CDC42EP2: variants seen among roughly 807,000 people sequenced by gnomAD.
CDC42EP2 encodes the protein CDC42 effector protein 2.
In CDC42EP2, 5 loss-of-function variants were observed where a neutral mutation model predicts 7.3. The ratio of observed to expected loss-of-function variants is 0.68; its 90% CI spans 0.36 to 1.44. The LOEUF is 1.44. Ranked by LOEUF, CDC42EP2 falls within the 40% of genes most tolerant of loss-of-function variation. CDC42EP2 has a pLI of 0.04. For missense variants in CDC42EP2, 251 were observed against 282.6 expected (o/e 0.89, Z 0.80); for synonymous variants, 113 against 123.6 (o/e 0.91, Z 0.57).
rs1487228547 is a variant in CDC42EP2, at chr11:65,315,469, G to T, written c.-356+515G>T. Among the ~76,000 whole-genome samples, 1 of 152,232 alleles carries T rather than the reference G, an allele frequency of 6.6e-6. No homozygotes were observed. Among genetic ancestry groups the T allele is most frequent in the Non-Finnish European group, 1.5e-5 (1 of 68,034 alleles). On this transcript the variant is annotated intron_variant, in intron 1 of 1. Transcript: ENST00000279249. This position sits in a 1 kb window ranked among gnomAD's most constrained non-coding sequence, Gnocchi z 4.1. ...CACGCCCGAGCTCTGGCCCTGTGCCGAGCGGACACTAGGACATCGCCCAGG... is the reference window on the plus strand; with the variant it reads ...CACGCCCGAGCTCTGGCCCTGTGCCTAGCGGACACTAGGACATCGCCCAGG...
rs1008487144 is a variant in CDC42EP2 at position 65,320,669 on chromosome 11, G to A, written c.-230G>A. ...GAGTTTGCCGTCCTTTGGGGAGAAC[G>A]TGATTTTTGTTATCTCAGCCCACTG... On this transcript the variant is annotated 5_prime_UTR_variant, in exon 2 of 2. The change creates a new upstream start codon in the 5' untranslated region. Transcript: ENST00000279249. 12 of 538,208 alleles carry A rather than the reference G, an allele frequency of 2.2e-5. No homozygotes were observed. Among genetic ancestry groups the A allele is most frequent in the Non-Finnish European group, 3.3e-5 (10 of 300,190 alleles). 33.3% of individuals were successfully genotyped at this position (538,208 alleles called of 1,614,324 possible).
chr11:65,317,431 A>T (rs1435332855), intron 1 of CDC42EP2, among the ~76,000 whole-genome samples: 1 of 151,070 alleles, frequency 6.6e-6, no homozygotes, highest in Non-Finnish European at 1.5e-5. Flanking sequence ...CCCTGCCCAG[A>T]ATGAAAACTG....
In CDC42EP2 at chr11:65,321,137, A is replaced by C. The variant is rs763616163; in HGVS notation, c.239A>C (p.Asp80Ala). ...GGGCCTGAAGAAGATGGCACCTTCG[A>C]CCTCCCCTTCCAGTTCACCCGCACC... Reference protein sequence around the residue: ...VEGPEEDGTFDLPFQFTRTAT... With the variant: ...VEGPEEDGTFALPFQFTRTAT... Residue 80 changes from aspartate to alanine, a missense_variant, in exon 2 of 2, where the codon GAC becomes GCC. Transcript: ENST00000279249. This position sits in a 1 kb window ranked among gnomAD's most constrained non-coding sequence, Gnocchi z 4.4. 1.1e-5 allele frequency: 18 copies of C among 1,613,126 alleles called. No individual in the cohort carries two copies. The South Asian group carries it at 1.8e-4, about 16-fold the overall frequency.
In CDC42EP2 at chr11:65,321,088, C is replaced by T; in HGVS notation, c.190C>T (p.Leu64Phe). ...CTCCTTCCTGCAGGGCAAGTTCCAC[C>T]TCCTGCCGGGGACCATGGTGGAGGG... ...DISFLQGKFH[L>F]LPGTMVEGPE... The change falls in exon 2 of 2, where the codon CTC (leucine) becomes TTC (phenylalanine). Residue 64 changes from leucine to phenylalanine, a missense_variant. By Grantham distance (22) the Leu-to-Phe change is conservative (BLOSUM62 0). Coordinates refer to ENST00000279249, the MANE Select transcript of CDC42EP2 (RefSeq NM_006779.4). This position sits in a 1 kb window ranked among gnomAD's most constrained non-coding sequence, Gnocchi z 4.4. 5 of 1,614,206 alleles carry T rather than the reference C, an allele frequency of 3.1e-6. No homozygotes were observed. The highest frequency in any genetic ancestry group is 4.2e-6 in the Non-Finnish European group (5 of 1,180,028).
chr11:65,317,865 AC>A (rs1949954863), intron 1 of CDC42EP2, among the ~76,000 whole-genome samples: 14 of 152,090 alleles, frequency 9.2e-5, no homozygotes, highest in Admixed American at 9.2e-4. Context: ...AAATTCTACC[AC>A]TTTGAGAAAA....
At position 65,315,802 on chromosome 11, in the gene CDC42EP2, C is replaced by T. The variant is rs1949945037; in HGVS notation, c.-356+848C>T. ...CGGAGGCACCGGGACCCCGGGAGAC[C>T]CAGCGGCCGCTAGAGGGTCTCTGCA... is the stretch of plus-strand genomic sequence containing the variant. On this transcript the variant is annotated intron_variant, in intron 1 of 1. Transcript: ENST00000279249. The surrounding 1 kb of genome is among the most constrained non-coding windows in gnomAD (Gnocchi z 4.1). 6.6e-6 allele frequency among the ~76,000 whole-genome samples: 1 copy of T among 152,192 alleles called. No individual in the cohort carries two copies. Among genetic ancestry groups the T allele is most frequent in the Non-Finnish European group, 1.5e-5 (1 of 68,034 alleles).
Position 65,315,913 on chromosome 11 carries a change from G to A in CDC42EP2, c.-356+959G>A, listed in dbSNP as rs1391738534. The stretch of plus-strand genomic sequence containing the variant: ...TGCTATTGTTCAAAGCACTGGCCCC[G>A]GAGAATCGAAGTGCTTGAGGAAGGA... On this transcript the variant is annotated intron_variant, in intron 1 of 1. Coordinates refer to ENST00000279249, the MANE Select transcript of CDC42EP2 (RefSeq NM_006779.4). This position sits in a 1 kb window ranked among gnomAD's most constrained non-coding sequence, Gnocchi z 4.1. 5.3e-5 allele frequency among the ~76,000 whole-genome samples: 8 copies of A among 152,218 alleles called. No individual in the cohort carries two copies. Among genetic ancestry groups the A allele is most frequent in the African/African-American group, 1.9e-4 (8 of 41,462 alleles).
At chr11:65,319,266 C>T (rs2137657051) in intron 1 of CDC42EP2, among the ~76,000 whole-genome samples, 1 of 151,620 alleles carries the variant, frequency 6.6e-6, no homozygotes, top group African/African-American at 2.4e-5. Context: ...ATAGCTGGGA[C>T]CACAGGCATG....
intron 1 of CDC42EP2, among the ~76,000 whole-genome samples, chr11:65,319,332 G>A (rs1949963091): frequency 6.6e-6 from 1 of 151,938 alleles, no homozygotes; most frequent in Non-Finnish European, 1.5e-5. Context: ...GTTTCACCAT[G>A]TTAGCTAGGA....
intron 1 of CDC42EP2, among the ~76,000 whole-genome samples, chr11:65,318,761 G>A (rs1949959913): frequency 6.6e-6 from 1 of 150,952 alleles, no homozygotes; most frequent in Non-Finnish European, 1.5e-5. Context: ...GTAGAGATGG[G>A]GTCTCCACAT....
At chr11:65,317,023 C>G (rs1001760828) in intron 1 of CDC42EP2, 1 of 152,388 alleles carries the variant, frequency 6.6e-6, no homozygotes, top group Non-Finnish European at 1.5e-5. Context: ...ACAAGCCCCC[C>G]CCAGGACTTC....
intron 1 of CDC42EP2, among the ~76,000 whole-genome samples, chr11:65,319,908 G>GA (rs796744191): frequency 2.0e-5 from 3 of 152,334 alleles, no homozygotes; most frequent in African/African-American, 7.2e-5. Flanking sequence ...GGTATGGTAT[G>GA]AGTACCTGGA....
At position 65,321,673 on chromosome 11, in the gene CDC42EP2, T is replaced by C; in HGVS notation, c.*142T>C. 2.6e-6 allele frequency: 2 copies of C among 759,594 alleles called. No homozygotes were observed. The highest frequency in any genetic ancestry group is 5.3e-5 in the East Asian group (2 of 37,394). 47.1% of individuals were successfully genotyped at this position (759,594 alleles called of 1,614,324 possible). On this transcript the variant is annotated 3_prime_UTR_variant, in exon 2 of 2. Coordinates refer to ENST00000279249, the MANE Select transcript of CDC42EP2 (RefSeq NM_006779.4). The surrounding 1 kb of genome is among the most constrained non-coding windows in gnomAD (Gnocchi z 4.4). ...AGTGATTCTCCTTCTGAGCCGTGTT[T>C]CCCCTCTCCCTCCCTCTCCACGTGG...
At chr11:65,319,841 C>G (rs999385448) in intron 1 of CDC42EP2, among the ~76,000 whole-genome samples, 1 of 152,152 alleles carries the variant, frequency 6.6e-6, no homozygotes, top group South Asian at 2.1e-4. Context: ...TTTGTGAGGC[C>G]CCCCACAATC....
In CDC42EP2 at chr11:65,321,691, C is replaced by A; in HGVS notation, c.*160C>A. The A allele has an allele frequency of 1.5e-6, 1 of 687,324 alleles. No homozygotes were observed. The allele number at this position is 687,324 out of a possible 1,614,324, so 42.6% of individuals were successfully genotyped here. On this transcript the variant is annotated 3_prime_UTR_variant, in exon 2 of 2. Coordinates refer to ENST00000279249, the MANE Select transcript of CDC42EP2 (RefSeq NM_006779.4). This position sits in a 1 kb window ranked among gnomAD's most constrained non-coding sequence, Gnocchi z 4.4. ...CCGTGTTTCCCCTCTCCCTCCCTCT[C>A]CACGTGGGCAGGGCAGGCCCCATCG...
intron 1 of CDC42EP2, chr11:65,317,064 T>A (rs1182178822): frequency 6.6e-6 from 1 of 152,308 alleles, no homozygotes; most frequent in South Asian, 2.1e-4. Flanking sequence ...TGCATGTTTG[T>A]CAGCATGGCC....
intron 1 of CDC42EP2, among the ~76,000 whole-genome samples, chr11:65,317,585 C>T (rs897892282): frequency 2.9e-4 from 44 of 152,178 alleles, no homozygotes; most frequent in African/African-American, 1.1e-3. Flanking sequence ...TCTCTCTTTG[C>T]CTTTTATGCT....
At chr11:65,318,118 C>T (rs182544538) in intron 1 of CDC42EP2, among the ~76,000 whole-genome samples, 136 of 150,258 alleles carry the variant, frequency 9.1e-4, no homozygotes, top group African/African-American at 3.0e-3. Flanking sequence ...TTTTTTGAGG[C>T]GGAGTCTCAC....
In CDC42EP2 at chr11:65,320,668, C is replaced by T. The variant is rs558179650; in HGVS notation, c.-231C>T. ...AGAGTTTGCCGTCCTTTGGGGAGAA[C>T]GTGATTTTTGTTATCTCAGCCCACT... On this transcript the variant is annotated 5_prime_UTR_variant, in exon 2 of 2. The change creates a new upstream start codon in the 5' untranslated region. Transcript: ENST00000279249. 9 of 538,216 alleles carry T rather than the reference C, an allele frequency of 1.7e-5. No individual in the cohort carries two copies. Among genetic ancestry groups the T allele is most frequent in the South Asian group, 4.8e-5 (2 of 41,272 alleles). 33.3% of individuals were successfully genotyped at this position (538,216 alleles called of 1,614,324 possible). A position where few individuals can be genotyped will look rare whatever the true frequency, so the allele number is the denominator to read the frequency against.
Sources: allele counts gnomAD v4.1 joint callset (sites outside exome capture counted in the v4.1 genomes callset), GRCh38; gene constraint gnomAD v4.1.1; non-coding constraint Gnocchi (gnomAD v3.1); transcripts MANE v1.5; gene names NCBI Gene and HGNC (gene_info 2026-07-23, HGNC 2026-07-21).